SERINC5: variants seen among roughly 807,000 people sequenced by gnomAD.
SERINC5 encodes serine incorporator 5, also known as chromosome 5 open reading frame 12.
Under a neutral mutation model 63.1 loss-of-function variants are expected in SERINC5, and 41 were observed. The observed-to-expected ratio is 0.65, with a 90% confidence interval of 0.51 to 0.84. The LOEUF (loss-of-function observed/expected upper bound fraction) is 0.84, where lower values mean the gene tolerates loss of function less well. Ranked by LOEUF, SERINC5 falls within the 40% of genes least tolerant of loss-of-function variation. The probability of loss-of-function intolerance (pLI) is 0.00; values close to 1 mark genes in which losing one functional copy is unlikely to be tolerated. For synonymous variants in SERINC5, 222 were observed against 215.2 expected (o/e 1.03, Z -0.28); for missense variants, 523 against 573.0 (o/e 0.91, Z 0.89).
chr5:80,222,427 T>G (rs1191504940), intron 1 of SERINC5, among the ~76,000 whole-genome samples: 1 of 152,068 alleles, frequency 6.6e-6, no homozygotes, highest in Admixed American at 6.6e-5. Flanking sequence ...TCGAGAAATG[T>G]GATATGGTGG....
At chr5:80,116,400 G>C in intron 11 of SERINC5, 1 of 451,514 alleles carries the variant, frequency 2.2e-6, no homozygotes, top group South Asian at 1.6e-5. Flanking sequence ...ACAGGCCCAG[G>C]CCATCCAGAT....
At chr5:80,185,662 T>C (rs1458504882) in intron 2 of SERINC5, among the ~76,000 whole-genome samples, 2 of 151,814 alleles carry the variant, frequency 1.3e-5, no homozygotes, top group African/African-American at 4.8e-5. Context: ...AAAGGAAAAT[T>C]ACAGTCAAAG....
rs973551857 is a variant in SERINC5 at position 80,142,346 on chromosome 5, G to A, written c.*1317C>T. The A allele has an allele frequency of 2.2e-6, 2 of 908,818 alleles. No homozygotes were observed. Among genetic ancestry groups the A allele is most frequent in the Non-Finnish European group, 2.6e-6 (2 of 760,376 alleles). The allele number at this position is 908,818 out of a possible 1,614,324, so 56.3% of individuals were successfully genotyped here. A position where few individuals can be genotyped will look rare whatever the true frequency, so the allele number is the denominator to read the frequency against. ...CCTCCCGGGTTCAAGTGATTCTCAT[G>A]CCTCAGCCTTCGAGTAGCTGGCATT... On this transcript the variant is annotated 3_prime_UTR_variant, in exon 12 of 12. Transcript: ENST00000507668.
chr5:80,233,368 G>C (rs898433044), intron 1 of SERINC5, among the ~76,000 whole-genome samples: 1 of 151,982 alleles, frequency 6.6e-6, no homozygotes, highest in Non-Finnish European at 1.5e-5. Context: ...CGGAGGTTGC[G>C]GTGAGCTGAG....
intron 1 of SERINC5, 177 bp from the exon 2 acceptor site, chr5:80,203,230 A>C: frequency 1.7e-6 from 1 of 575,504 alleles, no homozygotes; most frequent in Non-Finnish European, 3.2e-6. Context: ...CACAGCAAGA[A>C]CCTGTCTCTA....
chr5:80,183,689 C>T (rs1748606115), intron 2 of SERINC5, among the ~76,000 whole-genome samples: 1 of 152,106 alleles, frequency 6.6e-6, no homozygotes, highest in African/African-American at 2.4e-5. Context: ...CCCCACTGAG[C>T]ACCTTGTGAC....
intron 11 of SERINC5, among the ~76,000 whole-genome samples, chr5:80,132,874 A>G (rs1233504055): frequency 6.6e-6 from 1 of 152,168 alleles, no homozygotes; most frequent in Middle Eastern, 3.2e-3. Context: ...CAATTGCTAC[A>G]TGTTTGGGAC....
rs543142658 is a variant in SERINC5 at position 80,124,507 on chromosome 5, AGG to A, written c.1239-10884_1239-10883del. 8.5e-5 allele frequency among the ~76,000 whole-genome samples: 13 copies of A among 152,224 alleles called. 1 individual carries two copies. The South Asian group carries it at 2.7e-3, about 32-fold the overall frequency. Reference sequence around the variant, plus strand: ...TTTATTTCCACAGTCCTTGTTTTTCAGGGAGATTTAGGGCTTAAATACAAGGA... The same window carrying A: ...TTTATTTCCACAGTCCTTGTTTTTCAGAGATTTAGGGCTTAAATACAAGGA... On this transcript the variant is annotated intron_variant, in intron 11 of 12. Transcript: ENST00000509193.
At chr5:80,205,533 CAG>C (rs1750112937) in intron 1 of SERINC5, among the ~76,000 whole-genome samples, 2 of 152,288 alleles carry the variant, frequency 1.3e-5, no homozygotes, top group African/African-American at 4.8e-5. Context: ...GCATTTCTAC[CAG>C]AGTTTCATGT....
rs7709992 is a variant in SERINC5 at position 80,150,988 on chromosome 5, C to A, written c.987-40G>T. On this transcript the variant is annotated intron_variant, in intron 8 of 11. Transcript: ENST00000507668. ...AAAACGTCAGCTGGGCATATTAACA[C>A]ATTACAACACATGGAATGAAGGGGA... 16,405 of 1,429,926 alleles carry A rather than the reference C, an allele frequency of 0.011. 1,411 individuals carry two copies. The African/African-American group carries it at 0.19, about 17-fold the overall frequency. 88.6% of individuals were successfully genotyped at this position (1,429,926 alleles called of 1,614,324 possible). A position where few individuals can be genotyped will look rare whatever the true frequency, so the allele number is the denominator to read the frequency against.
chr5:80,177,482 C>T, intron 3 of SERINC5, 85 bp from the exon 4 acceptor site: 1 of 1,061,724 alleles, frequency 9.4e-7, no homozygotes, highest in African/African-American at 1.6e-5. Context: ...TACAGCATGT[C>T]AATCCATGAT....
chr5:80,200,393 G>A (rs1175670815), intron 2 of SERINC5, among the ~76,000 whole-genome samples: 1 of 151,822 alleles, frequency 6.6e-6, no homozygotes, highest in Non-Finnish European at 1.5e-5. Context: ...GGCTGAGGCA[G>A]GAGAATGGCG....
chr5:80,117,251 G>A (rs452106), intron 11 of SERINC5, among the ~76,000 whole-genome samples: 19,736 of 152,108 alleles, frequency 0.13, 1,614 homozygotes, highest in South Asian at 0.21. Context: ...TCACTCTGCC[G>A]TTTACTCACA....
intron 11 of SERINC5, among the ~76,000 whole-genome samples, chr5:80,133,560 TAGA>T (rs1561353899): frequency 1.3e-5 from 2 of 152,190 alleles, no homozygotes; most frequent in South Asian, 2.1e-4. Context: ...AAGCAAATTT[TAGA>T]AGAATATAGA....
intron 1 of SERINC5, among the ~76,000 whole-genome samples, chr5:80,225,222 C>A (rs1321471376): frequency 4.6e-5 from 7 of 152,184 alleles, no homozygotes; most frequent in African/African-American, 1.7e-4. Context: ...ATATACTTCA[C>A]TAGATTCTTT....
At chr5:80,209,926 T>C (rs563165210) in intron 1 of SERINC5, among the ~76,000 whole-genome samples, 1 of 151,308 alleles carries the variant, frequency 6.6e-6, no homozygotes, top group Admixed American at 6.6e-5. Context: ...TGCATGCCGG[T>C]GGTCCCAGCT....
intron 1 of SERINC5, among the ~76,000 whole-genome samples, chr5:80,216,691 C>A (rs142747365): frequency 1.3e-5 from 2 of 150,876 alleles, no homozygotes; most frequent in African/African-American, 2.4e-5. Flanking sequence ...ACAAAAGTAC[C>A]CATTGGGTTT....
chr5:80,250,944 A>C (rs1335429348), intron 1 of SERINC5, among the ~76,000 whole-genome samples: 1 of 142,452 alleles, frequency 7.0e-6, no homozygotes, highest in Non-Finnish European at 1.5e-5. Flanking sequence ...TTTCCCCTAC[A>C]GTCAATAGTT....
In SERINC5 at chr5:80,140,176, A is replaced by G; in HGVS notation, c.*3487T>C. On this transcript the variant is annotated 3_prime_UTR_variant, in exon 12 of 12. Transcript: ENST00000507668. ...CTCTACAAAAAAATAAAAATCGGCC[A>G]GGTGTGATGGGGCAAACCTGTGGTC... The G allele has an allele frequency of 4.0e-6, 3 of 745,018 alleles. No individual in the cohort carries two copies. Among genetic ancestry groups the G allele is most frequent in the Non-Finnish European group, 3.3e-6 (2 of 611,090 alleles). The allele number at this position is 745,018 out of a possible 1,614,324, so 46.2% of individuals were successfully genotyped here.
Sources: allele counts gnomAD v4.1 joint callset (sites outside exome capture counted in the v4.1 genomes callset), GRCh38; gene constraint gnomAD v4.1.1; transcripts MANE v1.5; gene names NCBI Gene and HGNC (gene_info 2026-07-23, HGNC 2026-07-21).